The following CEP128 variants were observed in gnomAD, a reference collection of about 807,000 sequenced individuals.
CEP128 encodes the protein centrosomal protein 128, also known as centrosomal protein 128kDa.
In CEP128, 132 loss-of-function variants were observed where a neutral mutation model predicts 156.7. The observed-to-expected ratio is 0.84, with a 90% CI of 0.73 to 0.97. CEP128 has a LOEUF of 0.97. CEP128 is among the 50% of genes least tolerant of loss of function. CEP128 has a pLI of 0.00. For missense variants in CEP128, 1,252 were observed against 1,281.9 expected (o/e 0.98, Z 0.36); for synonymous variants, 469 against 448.9 (o/e 1.04, Z -0.57).
chr14:80,948,856 TAGCAATTTGTTG>T (rs1281381386), intron 2 of CEP128, among the ~76,000 whole-genome samples: 5 of 152,226 alleles, frequency 3.3e-5, no homozygotes, highest in South Asian at 4.1e-4. Context: ...TTAATTGTCA[TAGCAATTTGTTG>T]AGCAATTTGT....
At chr14:80,595,343 G>A (rs1034164435) in intron 19 of CEP128, among the ~76,000 whole-genome samples, 15 of 152,166 alleles carry the variant, frequency 9.9e-5, no homozygotes, top group African/African-American at 2.4e-5. Flanking sequence ...ACTAGGGGAA[G>A]GATAGCATTA....
intron 18 of CEP128, 23 bp downstream of exon 18, chr14:80,756,869 T>C (rs780408614): frequency 1.4e-6 from 2 of 1,473,344 alleles, no homozygotes; most frequent in Non-Finnish European, 9.5e-7. Flanking sequence ...TTACAATAAC[T>C]TTAGGATTTA....
intron 13 of CEP128, among the ~76,000 whole-genome samples, chr14:80,808,915 C>A (rs544014812): frequency 1.3e-5 from 2 of 152,048 alleles, no homozygotes; most frequent in South Asian, 4.2e-4. Context: ...ACAACTATTA[C>A]GACAGATATA....
intron 2 of CEP128, among the ~76,000 whole-genome samples, chr14:80,948,429 A>G (rs374830969): frequency 6.6e-6 from 1 of 152,218 alleles, no homozygotes; most frequent in Admixed American, 6.5e-5. Context: ...ACAGTAATTC[A>G]TATGCATTTA....
intron 19 of CEP128, among the ~76,000 whole-genome samples, chr14:80,638,062 A>G (rs1894261011): frequency 4.6e-5 from 7 of 152,176 alleles, no homozygotes. Flanking sequence ...TTTTAAGCCA[A>G]TATGTTTTTG....
At chr14:80,795,980 C>A (rs922557207) in intron 13 of CEP128, among the ~76,000 whole-genome samples, 1 of 152,124 alleles carries the variant, frequency 6.6e-6, no homozygotes, top group Non-Finnish European at 1.5e-5. Context: ...AGAAAAACAA[C>A]ACCAACAAAA....
At position 80,938,465 on chromosome 14, in the gene CEP128, T is replaced by C. The variant is rs529735812; in HGVS notation, c.-16+920A>G. Among the ~76,000 whole-genome samples, 4 of 152,126 alleles carry C rather than the reference T, an allele frequency of 2.6e-5. No homozygotes were observed. In the South Asian group the frequency reaches 8.3e-4, roughly 32 times the overall value. On this transcript the variant is annotated intron_variant, in intron 2 of 24. Transcript: ENST00000555265. ...GGTTTCACCATGTTAGCCAGGATGG[T>C]CTCGATCTCCCGACCTCGTGATCTG... is the stretch of plus-strand genomic sequence containing the variant.
intron 13 of CEP128, among the ~76,000 whole-genome samples, chr14:80,817,323 A>C (rs886282695): frequency 3.3e-5 from 5 of 152,238 alleles, no homozygotes; most frequent in African/African-American, 1.2e-4. Flanking sequence ...AAAAAGTTAC[A>C]AGACATGCAA....
chr14:80,919,181 TA>T (rs1450881699), intron 2 of CEP128, among the ~76,000 whole-genome samples: 4 of 152,314 alleles, frequency 2.6e-5, no homozygotes, highest in African/African-American at 7.2e-5. Context: ...TTGATATTTC[TA>T]AGAGTATCAA....
At chr14:80,898,118 T>G (rs1889433917) in intron 7 of CEP128, among the ~76,000 whole-genome samples, 1 of 152,234 alleles carries the variant, frequency 6.6e-6, no homozygotes, top group African/African-American at 2.4e-5. Context: ...GTAGGTGATT[T>G]CTGAATTAAA....
At chr14:80,892,717 C>G (rs1889160451) in intron 8 of CEP128, among the ~76,000 whole-genome samples, 1 of 150,590 alleles carries the variant, frequency 6.6e-6, no homozygotes, top group South Asian at 2.1e-4. Context: ...ACAAATAATC[C>G]AATTTTTTTA....
At chr14:80,905,833 C>T in intron 5 of CEP128, 122 bp downstream of exon 5, 1 of 851,484 alleles carries the variant, frequency 1.2e-6, no homozygotes, top group Non-Finnish European at 1.8e-6. Flanking sequence ...TTGACAACTA[C>T]ATGTACTATC....
chr14:80,889,410 G>C (rs867070814), intron 8 of CEP128, among the ~76,000 whole-genome samples: 1 of 152,100 alleles, frequency 6.6e-6, no homozygotes, highest in African/African-American at 2.4e-5. Context: ...AAACAGCATG[G>C]TACTGGTACC....
intron 19 of CEP128, among the ~76,000 whole-genome samples, chr14:80,731,049 T>C (rs12588311): frequency 0.11 from 17,391 of 152,214 alleles, 1,442 homozygotes; most frequent in East Asian, 0.43. Context: ...GGTATAGTCA[T>C]TAAGACAGCC....
chr14:80,765,637 A>C (rs1900201720), intron 16 of CEP128, among the ~76,000 whole-genome samples: 1 of 152,192 alleles, frequency 6.6e-6, no homozygotes, highest in Non-Finnish European at 1.5e-5. Context: ...GAATGTAGGT[A>C]ACTTCTTTTG....
intron 19 of CEP128, among the ~76,000 whole-genome samples, chr14:80,669,156 TAC>T (rs1161846976): frequency 2.6e-5 from 4 of 152,084 alleles, no homozygotes; most frequent in African/African-American, 9.7e-5. Flanking sequence ...TCTCACCACA[TAC>T]AAAAATTAAC....
intron 4 of CEP128, among the ~76,000 whole-genome samples, chr14:80,913,917 A>C (rs1456303798): frequency 6.6e-6 from 1 of 152,236 alleles, no homozygotes; most frequent in African/African-American, 2.4e-5. Flanking sequence ...CACTACAGCA[A>C]TAGAAATTTT....
In CEP128 at chr14:80,840,692, TCA is replaced by T; in HGVS notation, c.837_838del (p.Lys281GlufsTer4). ...CTTTTAAAATCTTACTTGATTCTTCTCAGTTTCAGTTTGTCTTAGCTTATTTT... is the reference window on the plus strand; with the variant it reads ...CTTTTAAAATCTTACTTGATTCTTCTGTTTCAGTTTGTCTTAGCTTATTTT... On this transcript the variant is annotated frameshift_variant, in exon 10 of 25. Transcript: ENST00000555265. LOFTEE classifies it high-confidence loss of function. 1 of 1,600,538 alleles carries T rather than the reference TCA, an allele frequency of 6.2e-7. No homozygotes were observed. Among genetic ancestry groups the T allele is most frequent in the South Asian group, 1.1e-5 (1 of 90,298 alleles).
chr14:80,486,988 T>G (rs539781220), downstream of CEP128, among the ~76,000 whole-genome samples: 2 of 152,184 alleles, frequency 1.3e-5, no homozygotes. Context: ...AATAACCAGC[T>G]AACATCATAA....
Sources: allele counts gnomAD v4.1 joint callset (sites outside exome capture counted in the v4.1 genomes callset), GRCh38; gene constraint gnomAD v4.1.1; transcripts MANE v1.5; gene names NCBI Gene and HGNC (gene_info 2026-07-23, HGNC 2026-07-21).